Variants in SPAG16 observed in about 807,000 individuals in gnomAD.
SPAG16 encodes the protein sperm-associated antigen 16 protein.
A neutral mutation model predicts 80.4 loss-of-function variants in SPAG16; 86 were observed. That is an observed-to-expected ratio of 1.07 (90% CI 0.90 to 1.28). SPAG16 has a LOEUF of 1.28. SPAG16 is among the 50% of genes most tolerant of loss of function. The pLI is 0.00. For synonymous variants in SPAG16, 294 were observed against 265.9 expected, an observed-to-expected ratio of 1.11 and a Z score of -1.03; for missense variants, 870 against 765.3, an observed-to-expected ratio of 1.14 and a Z score of -1.61.
At chr2:214,389,854 A>G (rs1436045527) in intron 15 of SPAG16, among the ~76,000 whole-genome samples, 2 of 152,194 alleles carry the variant, frequency 1.3e-5, no homozygotes, top group East Asian at 1.9e-4. Flanking sequence ...TCATTCCATC[A>G]TATCATTGAC....
At chr2:214,160,361 T>A (rs182112963) in intron 15 of SPAG16, among the ~76,000 whole-genome samples, 2 of 152,076 alleles carry the variant, frequency 1.3e-5, no homozygotes, top group Admixed American at 1.3e-4. Context: ...TTAGGTACCA[T>A]TTTTCCTTAT....
At chr2:214,059,208 A>ATATGTATGTG (rs2050113129) in intron 13 of SPAG16, among the ~76,000 whole-genome samples, 2 of 88,098 alleles carry the variant, frequency 2.3e-5, no homozygotes, top group African/African-American at 8.8e-5. Context: ...ATATATATAT[A>ATATGTATGTG]TATATATGTA....
intron 10 of SPAG16, among the ~76,000 whole-genome samples, chr2:213,825,483 A>G (rs2073219515): frequency 6.6e-6 from 1 of 152,064 alleles, no homozygotes; most frequent in Non-Finnish European, 1.5e-5. Flanking sequence ...TGAAATGATC[A>G]TATGGTTTTT....
chr2:213,371,396 CAAAAAAAAAA>C (rs1161878780), intron 8 of SPAG16, among the ~76,000 whole-genome samples: 2 of 47,306 alleles, frequency 4.2e-5, no homozygotes, highest in African/African-American at 1.3e-4. Context: ...GACCGTGTCT[CAAAAAAAAAA>C]AAAAAAAAAA....
intron 13 of SPAG16, among the ~76,000 whole-genome samples, chr2:214,079,886 A>G (rs2051282572): frequency 6.6e-6 from 1 of 152,214 alleles, no homozygotes; most frequent in Non-Finnish European, 1.5e-5. Context: ...TATTATTTTA[A>G]GCAGCTATTT....
At chr2:214,288,876 C>G (rs1433464789) in intron 15 of SPAG16, among the ~76,000 whole-genome samples, 1 of 152,062 alleles carries the variant, frequency 6.6e-6, no homozygotes, top group Admixed American at 6.6e-5. Flanking sequence ...TCACGCCATT[C>G]TTCTGCCTCA....
chr2:213,620,696 A>G (rs1160195375), intron 10 of SPAG16, among the ~76,000 whole-genome samples: 1 of 152,162 alleles, frequency 6.6e-6, no homozygotes, highest in African/African-American at 2.4e-5. Context: ...CTCTGATTTG[A>G]TCATTACACA....
chr2:214,121,403 A>C (rs567612495), intron 14 of SPAG16, among the ~76,000 whole-genome samples: 1 of 151,946 alleles, frequency 6.6e-6, no homozygotes, highest in African/African-American at 2.4e-5. Context: ...GTGGCATCAT[A>C]GTTTACCATG....
At chr2:214,142,292 ATTCAAATCTTTGAGACTCACACT>A (rs1363347825) in intron 14 of SPAG16, among the ~76,000 whole-genome samples, 6 of 152,316 alleles carry the variant, frequency 3.9e-5, no homozygotes, top group East Asian at 1.9e-4. Flanking sequence ...ATAGCTCTTT[ATTCAAATCTTTGAGACTCACACT>A]TTCAAATCTT....
intron 14 of SPAG16, among the ~76,000 whole-genome samples, chr2:214,108,592 G>T (rs975480340): frequency 6.6e-6 from 1 of 151,806 alleles, no homozygotes; most frequent in Non-Finnish European, 1.5e-5. Context: ...CAAAAAAATA[G>T]GTGGGCTATA....
intron 10 of SPAG16, among the ~76,000 whole-genome samples, chr2:213,720,756 T>C (rs1323810341): frequency 2.1e-5 from 3 of 141,306 alleles, no homozygotes; most frequent in Non-Finnish European, 4.7e-5. Flanking sequence ...TTTTTTTTTT[T>C]TTTTTTTGAG....
At chr2:213,773,820 G>A (rs183105462) in intron 10 of SPAG16, among the ~76,000 whole-genome samples, 1,553 of 152,222 alleles carry the variant, frequency 0.01, 19 homozygotes, top group African/African-American at 0.035. Context: ...CCAAAGTGCT[G>A]GGATTACAGG....
intron 10 of SPAG16, among the ~76,000 whole-genome samples, chr2:213,519,674 T>C (rs897676843): frequency 1.3e-5 from 2 of 152,154 alleles, no homozygotes; most frequent in Non-Finnish European, 2.9e-5. Context: ...TGATTAAAAT[T>C]ATGCCTAAGA....
intron 12 of SPAG16, among the ~76,000 whole-genome samples, chr2:213,987,570 T>G (rs2046074381): frequency 6.6e-6 from 1 of 152,052 alleles, no homozygotes; most frequent in African/African-American, 2.4e-5. Flanking sequence ...ATTTCCATTT[T>G]TAGCTTTCTG....
At chr2:214,037,739 T>C (rs553352824) in intron 13 of SPAG16, among the ~76,000 whole-genome samples, 34 of 152,264 alleles carry the variant, frequency 2.2e-4, no homozygotes, top group African/African-American at 8.2e-4. Context: ...GCCTATTTTG[T>C]GAATTCAGGC....
chr2:213,430,021 G>A lies in SPAG16; in HGVS notation c.942+54902G>A, dbSNP rs554950654. Reference sequence around the variant, plus strand: ...AAATACTCAATATTCCAGATAAAGAGTTCAAAATATTGATTTTTAAAGAAG... The same window carrying A: ...AAATACTCAATATTCCAGATAAAGAATTCAAAATATTGATTTTTAAAGAAG... On this transcript the variant is annotated intron_variant, in intron 9 of 15. Coordinates refer to ENST00000331683, the MANE Select transcript of SPAG16 (RefSeq NM_024532.5). Among the ~76,000 whole-genome samples the A allele has an allele frequency of 5.9e-5, 9 of 152,238 alleles. No homozygotes were observed. The East Asian group carries it at 9.6e-4, about 16-fold the overall frequency.
At chr2:213,311,376 G>C (rs1394168308) in intron 4 of SPAG16, among the ~76,000 whole-genome samples, 1 of 151,706 alleles carries the variant, frequency 6.6e-6, no homozygotes, top group African/African-American at 2.4e-5. Context: ...AACAATGTGT[G>C]TTAGGACATG....
chr2:213,773,965 C>T (rs1559457710), intron 10 of SPAG16, among the ~76,000 whole-genome samples: 1 of 152,162 alleles, frequency 6.6e-6, no homozygotes, highest in Non-Finnish European at 1.5e-5. Context: ...ATATTTCTAA[C>T]ATTTCCTTTT....
chr2:214,324,166 G>A (rs569671155), intron 15 of SPAG16, among the ~76,000 whole-genome samples: 1 of 152,194 alleles, frequency 6.6e-6, no homozygotes, highest in South Asian at 2.1e-4. Context: ...TAAAATATTA[G>A]TTTAGCAACC....
Sources: allele counts gnomAD v4.1 joint callset (sites outside exome capture counted in the v4.1 genomes callset), GRCh38; gene constraint gnomAD v4.1.1; transcripts MANE v1.5; gene names NCBI Gene and HGNC (gene_info 2026-07-23, HGNC 2026-07-21).